GABRG3: variants seen among roughly 807,000 people sequenced by gnomAD.
The protein encoded by GABRG3 is gamma-aminobutyric acid type A receptor subunit gamma3.
A neutral mutation model predicts 48.8 loss-of-function variants in GABRG3; 25 were observed. The ratio of observed to expected loss-of-function variants is 0.51; its 90% CI spans 0.37 to 0.72. The LOEUF (loss-of-function observed/expected upper bound fraction) is 0.72, where lower values mean the gene tolerates loss of function less well. GABRG3 is among the 30% of genes least tolerant of loss of function. GABRG3 has a pLI of 0.00. For synonymous variants in GABRG3, 227 were observed against 217.6 expected (o/e 1.04, Z -0.38); for missense variants, 394 against 577.9 (o/e 0.68, Z 3.26).
chr15:27,027,272 G>T (rs1465015723), intron 3 of GABRG3, among the ~76,000 whole-genome samples: 1 of 152,198 alleles, frequency 6.6e-6, no homozygotes, highest in African/African-American at 2.4e-5. Flanking sequence ...AAAGTGCCTG[G>T]CTATGAAGTG....
intron 6 of GABRG3, chr15:27,481,102 A>G (rs1253133210): frequency 2.7e-6 from 3 of 1,129,756 alleles, no homozygotes; most frequent in Non-Finnish European, 3.2e-6. Context: ...AGTTCTGCAA[A>G]TTTCCACGTA....
chr15:27,509,880 G>A (rs1890856229), intron 6 of GABRG3, among the ~76,000 whole-genome samples: 1 of 152,170 alleles, frequency 6.6e-6, no homozygotes, highest in Non-Finnish European at 1.5e-5. Flanking sequence ...TTTTCAGGCT[G>A]CTATTTTTGG....
intron 5 of GABRG3, among the ~76,000 whole-genome samples, chr15:27,335,136 T>G (rs942982314): frequency 7.4e-6 from 1 of 134,454 alleles, no homozygotes; most frequent in African/African-American, 3.5e-5. Flanking sequence ...TCTTTTGACT[T>G]TTGTGACTGC....
intron 6 of GABRG3, chr15:27,481,179 G>A: frequency 9.9e-7 from 1 of 1,009,692 alleles, no homozygotes; most frequent in African/African-American, 1.7e-5. Context: ...TGTCCTTTGA[G>A]TTTCAATTGC....
chr15:27,511,990 G>T (rs1264970916), intron 6 of GABRG3, among the ~76,000 whole-genome samples: 1 of 152,202 alleles, frequency 6.6e-6, no homozygotes, highest in African/African-American at 2.4e-5. Context: ...CAGCAGAAGG[G>T]ACAGTGGGGC....
chr15:27,308,350 T>TATATAA (rs1892805645), intron 3 of GABRG3, among the ~76,000 whole-genome samples: 1 of 112,400 alleles, frequency 8.9e-6, no homozygotes, highest in Non-Finnish European at 1.9e-5. Flanking sequence ...AATATAAACA[T>TATATAA]ACGTTTATAT....
At chr15:27,137,640 C>T (rs539511382) in intron 3 of GABRG3, among the ~76,000 whole-genome samples, 14 of 151,734 alleles carry the variant, frequency 9.2e-5, no homozygotes, top group Non-Finnish European at 1.8e-4. Flanking sequence ...GTCGTGTGAC[C>T]AACTGTTTCA....
intron 3 of GABRG3, among the ~76,000 whole-genome samples, chr15:27,308,433 C>T (rs577665289): frequency 7.0e-6 from 1 of 143,820 alleles, no homozygotes; most frequent in Non-Finnish European, 1.5e-5. Context: ...GTAAACATAC[C>T]TGTTTATATA....
intron 5 of GABRG3, among the ~76,000 whole-genome samples, chr15:27,347,017 G>GT (rs369370392): frequency 1.3e-5 from 2 of 151,626 alleles, no homozygotes; most frequent in Non-Finnish European, 2.9e-5. Flanking sequence ...ATGCCTTATA[G>GT]TTTTTTAAAG....
At chr15:26,999,227 A>G (rs1324614917) in intron 2 of GABRG3, among the ~76,000 whole-genome samples, 1 of 152,182 alleles carries the variant, frequency 6.6e-6, no homozygotes, top group Non-Finnish European at 1.5e-5. Flanking sequence ...TAGCATTTAC[A>G]TTGTATTAGG....
At chr15:27,531,723 A>T (rs912946717) in intron 9 of GABRG3, among the ~76,000 whole-genome samples, 1 of 152,262 alleles carries the variant, frequency 6.6e-6, no homozygotes, top group Non-Finnish European at 1.5e-5. Flanking sequence ...TGCACACTTC[A>T]TAGTTTTTTA....
At chr15:27,452,270 C>T (rs905008820) in intron 5 of GABRG3, among the ~76,000 whole-genome samples, 4 of 152,138 alleles carry the variant, frequency 2.6e-5, no homozygotes, top group Non-Finnish European at 5.9e-5. Flanking sequence ...AACCATTGCA[C>T]ACTGTTGGTG....
At chr15:27,443,132 G>A (rs1888840212) in intron 5 of GABRG3, among the ~76,000 whole-genome samples, 1 of 152,180 alleles carries the variant, frequency 6.6e-6, no homozygotes, top group South Asian at 2.1e-4. Flanking sequence ...TGATGAGCGT[G>A]GGCCCTAATC....
chr15:27,308,330 A>C (rs1391090855), intron 3 of GABRG3, among the ~76,000 whole-genome samples: 1 of 137,822 alleles, frequency 7.3e-6, no homozygotes, highest in Non-Finnish European at 1.6e-5. Flanking sequence ...ATACGTTTAT[A>C]TATAAACATA....
intron 5 of GABRG3, among the ~76,000 whole-genome samples, chr15:27,432,836 A>C (rs1888496716): frequency 3.9e-5 from 6 of 152,144 alleles, no homozygotes. Flanking sequence ...TGTGCTTGGA[A>C]ATCTCCTCAC....
intron 3 of GABRG3, among the ~76,000 whole-genome samples, chr15:27,216,740 T>A (rs1476980153): frequency 3.9e-5 from 5 of 127,184 alleles, no homozygotes; most frequent in South Asian, 2.7e-4. Context: ...TTTCTTTTTT[T>A]TTTTTTATTT....
At chr15:27,171,202 G>A (rs1261651601) in intron 3 of GABRG3, among the ~76,000 whole-genome samples, 2 of 152,144 alleles carry the variant, frequency 1.3e-5, no homozygotes, top group African/African-American at 4.8e-5. Context: ...ACACCTAGTA[G>A]GACTAATAAA....
At chr15:27,054,891 A>C (rs1290636482) in intron 3 of GABRG3, among the ~76,000 whole-genome samples, 2 of 151,822 alleles carry the variant, frequency 1.3e-5, no homozygotes, top group Non-Finnish European at 2.9e-5. Context: ...CCTCGTTTTG[A>C]GGGGGACTCT....
chr15:26,993,864 A>C (rs1895290987), intron 2 of GABRG3, among the ~76,000 whole-genome samples: 1 of 151,556 alleles, frequency 6.6e-6, no homozygotes, highest in Admixed American at 6.6e-5. Flanking sequence ...AATATTTGCT[A>C]TATATATATA....
Sources: gnomAD v4.1 joint callset for allele counts (sites outside exome capture counted in the v4.1 genomes callset) on GRCh38, gnomAD v4.1.1 for gene constraint, MANE v1.5 for transcripts, NCBI Gene and HGNC (gene_info 2026-07-23, HGNC 2026-07-21) for gene names.